Variants in MEIS2 observed in about 807,000 individuals in gnomAD.
MEIS2 encodes homeobox protein Meis2.
In MEIS2, 9 loss-of-function variants were observed where a neutral mutation model predicts 58.6. The observed-to-expected ratio is 0.15, with a 90% CI of 0.09 to 0.27. MEIS2 has a LOEUF of 0.27. Ranked by LOEUF, MEIS2 falls within the 10% of genes least tolerant of loss-of-function variation. MEIS2 has a pLI of 1.00. For missense variants in MEIS2, 427 were observed against 635.0 expected (o/e 0.67, Z 3.52); for synonymous variants, 221 against 228.4 (o/e 0.97, Z 0.29).
intron 7 of MEIS2, among the ~76,000 whole-genome samples, chr15:37,064,260 A>AT (rs940753735): frequency 1.2e-4 from 18 of 152,258 alleles, no homozygotes; most frequent in African/African-American, 4.1e-4. Context: ...ATATCCACTT[A>AT]TTTTCAGGAC....
At position 36,896,737 on chromosome 15, in the gene MEIS2, C is replaced by A. The variant is rs56279247; in HGVS notation, c.978-51G>T. 0.012 allele frequency: 17,808 copies of A among 1,448,268 alleles called. 1,618 individuals carry two copies. The African/African-American group carries it at 0.21, about 17-fold the overall frequency. The allele number at this position is 1,448,268 out of a possible 1,614,324, so 89.7% of individuals were successfully genotyped here. On this transcript the variant is annotated intron_variant, in intron 9 of 11. Coordinates refer to ENST00000561208, the MANE Select transcript of MEIS2 (RefSeq NM_170675.5). ...CATCATACTCCGTTTCTGTACTCTG[C>A]GAACACCTTTGCATGAATGCTGAGG...
At chr15:37,061,923 T>A (rs888706054) in intron 7 of MEIS2, among the ~76,000 whole-genome samples, 6 of 152,118 alleles carry the variant, frequency 3.9e-5, no homozygotes, top group Non-Finnish European at 7.3e-5. Context: ...CAGGATATTT[T>A]AAAAATTAAT....
intron 7 of MEIS2, among the ~76,000 whole-genome samples, chr15:37,058,174 A>G (rs953693996): frequency 5.3e-5 from 8 of 152,034 alleles, no homozygotes; most frequent in Non-Finnish European, 1.2e-4. Context: ...AAGGCCCCCA[A>G]AGGATCGTGC....
intron 8 of MEIS2, among the ~76,000 whole-genome samples, chr15:37,001,497 A>C (rs1352407992): frequency 6.6e-6 from 1 of 152,130 alleles, no homozygotes; most frequent in Non-Finnish European, 1.5e-5. Context: ...AGTCAGGCCC[A>C]AAACCCTAGC....
chr15:36,977,548 G>T (rs1393319364), intron 8 of MEIS2, among the ~76,000 whole-genome samples: 1 of 152,136 alleles, frequency 6.6e-6, no homozygotes, highest in Non-Finnish European at 1.5e-5. Flanking sequence ...ACAGCACAGA[G>T]TTGTCATATT....
chr15:37,085,201 C>A (rs867375030), intron 6 of MEIS2, among the ~76,000 whole-genome samples: 3 of 151,954 alleles, frequency 2.0e-5, no homozygotes, highest in East Asian at 1.9e-4. Context: ...ACTAAAAAAA[C>A]CAATCAAAGT....
At chr15:36,956,613 T>C (rs935751396) in intron 8 of MEIS2, among the ~76,000 whole-genome samples, 1 of 152,154 alleles carries the variant, frequency 6.6e-6, no homozygotes, top group African/African-American at 2.4e-5. Context: ...CAGTAAAATG[T>C]GTGCCTGGAG....
At position 37,040,057 on chromosome 15, in the gene MEIS2, T is replaced by TG. The variant is rs1048853973; in HGVS notation, c.755-3099_755-3098insC. 1.5e-3 allele frequency among the ~76,000 whole-genome samples: 232 copies of TG among 150,980 alleles called. 1 individual carries two copies. The highest frequency in any genetic ancestry group is 3.4e-3 in the Middle Eastern group (1 of 292). ...AACATGGATATTGGTGTTTTTTTTT[T>TG]TTTGTTTTAAGGCTGTGTATGTGTG... On this transcript the variant is annotated intron_variant, in intron 7 of 11. Transcript: ENST00000561208.
chr15:36,963,493 G>T (rs985551930), intron 8 of MEIS2, among the ~76,000 whole-genome samples: 2 of 152,072 alleles, frequency 1.3e-5, no homozygotes, highest in Non-Finnish European at 2.9e-5. Flanking sequence ...CTAAAGGAAA[G>T]ACTTTGTCAG....
chr15:37,035,844 T>G (rs2062128451), intron 8 of MEIS2, among the ~76,000 whole-genome samples: 1 of 152,228 alleles, frequency 6.6e-6, no homozygotes, highest in Non-Finnish European at 1.5e-5. Flanking sequence ...CCCATGACAC[T>G]GTAACTAATG....
chr15:37,042,525 T>G (rs569777892), intron 7 of MEIS2, among the ~76,000 whole-genome samples: 3 of 152,364 alleles, frequency 2.0e-5, no homozygotes, highest in South Asian at 2.1e-4. Flanking sequence ...CAACTTCAAG[T>G]CAGTGCTACC....
At chr15:37,025,687 G>C (rs1272890659) in intron 8 of MEIS2, among the ~76,000 whole-genome samples, 1 of 146,062 alleles carries the variant, frequency 6.8e-6, no homozygotes, top group Non-Finnish European at 1.5e-5. Flanking sequence ...AATAGCCATG[G>C]ACAAACGGGT....
chr15:37,047,295 C>CT (rs1256805412), intron 7 of MEIS2, among the ~76,000 whole-genome samples: 1 of 152,130 alleles, frequency 6.6e-6, no homozygotes, highest in Non-Finnish European at 1.5e-5. Context: ...AGAGCTAAAG[C>CT]TTTTTTTAAT....
At position 36,978,554 on chromosome 15, in the gene MEIS2, G is replaced by A. The variant is rs79937086; in HGVS notation, c.901-28154C>T. Among the ~76,000 whole-genome samples, 1,356 of 152,214 alleles carry A rather than the reference G, an allele frequency of 8.9e-3. 8 individuals carry two copies. Among genetic ancestry groups the A allele is most frequent in the Middle Eastern group, 0.017 (5 of 294 alleles). On this transcript the variant is annotated intron_variant, in intron 8 of 11. Coordinates refer to ENST00000561208, the MANE Select transcript of MEIS2 (RefSeq NM_170675.5). ...TGTACTAATTACCCAAATAATGAAG[G>A]TTTACTGTAGAAAAGTTGGAAAAGA...
At chr15:37,026,131 A>G (rs2061694646) in intron 8 of MEIS2, among the ~76,000 whole-genome samples, 2 of 152,220 alleles carry the variant, frequency 1.3e-5, no homozygotes, top group Non-Finnish European at 2.9e-5. Flanking sequence ...ACACTGAAAT[A>G]GAACCTATAA....
intron 8 of MEIS2, among the ~76,000 whole-genome samples, chr15:36,959,755 A>T (rs1327779820): frequency 6.6e-6 from 1 of 152,230 alleles, no homozygotes; most frequent in South Asian, 2.1e-4. Flanking sequence ...ACAATGACAC[A>T]CTATGGAAAA....
chr15:37,014,678 G>A (rs939930407), intron 8 of MEIS2, among the ~76,000 whole-genome samples: 4 of 152,158 alleles, frequency 2.6e-5, no homozygotes, highest in African/African-American at 7.2e-5. Flanking sequence ...GTCCTCTCAA[G>A]TTTGGTAACA....
At chr15:36,936,850 A>G (rs1291603176) in intron 9 of MEIS2, among the ~76,000 whole-genome samples, 1 of 152,236 alleles carries the variant, frequency 6.6e-6, no homozygotes, top group Non-Finnish European at 1.5e-5. Context: ...TTCAAGGGGA[A>G]AAGATAACTG....
At chr15:36,962,304 T>C (rs1007370094) in intron 8 of MEIS2, among the ~76,000 whole-genome samples, 5 of 152,178 alleles carry the variant, frequency 3.3e-5, no homozygotes, top group African/African-American at 9.7e-5. Context: ...CAGTTACCCA[T>C]AGAGTATGAT....
Sources: allele counts gnomAD v4.1 joint callset (sites outside exome capture counted in the v4.1 genomes callset), GRCh38; gene constraint gnomAD v4.1.1; transcripts MANE v1.5; gene names NCBI Gene and HGNC (gene_info 2026-07-23, HGNC 2026-07-21).